LGR5: variants seen among roughly 807,000 people sequenced by gnomAD.
LGR5 encodes leucine rich repeat containing G protein-coupled receptor 5, also known as leucine-rich repeat-containing G protein-coupled receptor 5.
A neutral mutation model predicts 76.7 loss-of-function variants in LGR5; 54 were observed. The observed-to-expected ratio is 0.70, with a 90% CI of 0.57 to 0.88. The LOEUF (loss-of-function observed/expected upper bound fraction) is 0.88. Ranked by LOEUF, LGR5 falls within the 40% of genes least tolerant of loss-of-function variation. The pLI is 0.00. For missense variants in LGR5, 1,078 were observed against 1,073.3 expected (o/e 1.00, Z -0.06); for synonymous variants, 406 against 421.9 (o/e 0.96, Z 0.46).
chr12:71,466,112 G>T (rs993825712), intron 1 of LGR5, among the ~76,000 whole-genome samples: 1 of 152,216 alleles, frequency 6.6e-6, no homozygotes, highest in African/African-American at 2.4e-5. Flanking sequence ...GACATAGAAA[G>T]TCATGAATTA....
chr12:71,475,228 C>CA (rs539026258), intron 1 of LGR5, among the ~76,000 whole-genome samples: 17 of 151,318 alleles, frequency 1.1e-4, no homozygotes, highest in Admixed American at 2.0e-4. Context: ...ACAAAAATGA[C>CA]AAAAAAAAGT....
At chr12:71,454,964 A>G (rs1284781035) in intron 1 of LGR5, among the ~76,000 whole-genome samples, 4 of 152,090 alleles carry the variant, frequency 2.6e-5, no homozygotes, top group Admixed American at 1.3e-4. Flanking sequence ...GGTGCAGGGG[A>G]AAAAAAGCAA....
intron 2 of LGR5, 151 bp from the exon 3 acceptor site, chr12:71,524,254 TA>T (rs1008768398): frequency 1.1e-4 from 57 of 534,002 alleles, no homozygotes; most frequent in African/African-American, 6.4e-4. Flanking sequence ...AATTTATAGA[TA>T]TTTTTTGCAA....
At chr12:71,486,857 A>T (rs1455048417) in intron 1 of LGR5, among the ~76,000 whole-genome samples, 1 of 152,080 alleles carries the variant, frequency 6.6e-6, no homozygotes, top group East Asian at 1.9e-4. Flanking sequence ...CTTACAATAG[A>T]ATGGAATTTG....
chr12:71,513,812 G>A (rs1312568624), intron 2 of LGR5, among the ~76,000 whole-genome samples: 1 of 152,160 alleles, frequency 6.6e-6, no homozygotes, highest in Non-Finnish European at 1.5e-5. Context: ...TTCTAGTCTG[G>A]TTTTGTGACT....
chr12:71,531,940 C>T (rs928917337), intron 3 of LGR5, among the ~76,000 whole-genome samples: 1 of 152,130 alleles, frequency 6.6e-6, no homozygotes, highest in Non-Finnish European at 1.5e-5. Flanking sequence ...TATAAAGCAG[C>T]AGAGAAAGTT....
At chr12:71,475,178 T>C (rs1873272523) in intron 1 of LGR5, among the ~76,000 whole-genome samples, 1 of 152,180 alleles carries the variant, frequency 6.6e-6, no homozygotes, top group Non-Finnish European at 1.5e-5. Context: ...AATTTAAGCC[T>C]GTTAGTGCAT....
intron 12 of LGR5, among the ~76,000 whole-genome samples, chr12:71,571,780 A>G (rs930336736): frequency 1.3e-5 from 2 of 152,352 alleles, no homozygotes; most frequent in African/African-American, 4.8e-5. Context: ...GCACTGTACC[A>G]TATTAGTAAA....
At chr12:71,544,595 A>G (rs1877059304) in intron 4 of LGR5, among the ~76,000 whole-genome samples, 2 of 150,592 alleles carry the variant, frequency 1.3e-5, no homozygotes, top group Admixed American at 6.6e-5. Flanking sequence ...CAAAGAATTA[A>G]TATAAATCAA....
At chr12:71,449,760 AAACTT>A (rs1872173121) in intron 1 of LGR5, among the ~76,000 whole-genome samples, 1 of 152,244 alleles carries the variant, frequency 6.6e-6, no homozygotes, top group Non-Finnish European at 1.5e-5. Context: ...TAATTATAAT[AAACTT>A]AATTTAGAGC....
chr12:71,554,074 T>G (rs1877638055), intron 5 of LGR5, among the ~76,000 whole-genome samples: 1 of 152,082 alleles, frequency 6.6e-6, no homozygotes, highest in Non-Finnish European at 1.5e-5. Flanking sequence ...AGAGTGAGAC[T>G]CTGTCTCAAA....
At chr12:71,455,317 G>T (rs943776517) in intron 1 of LGR5, among the ~76,000 whole-genome samples, 5 of 152,094 alleles carry the variant, frequency 3.3e-5, no homozygotes, top group Admixed American at 3.3e-4. Context: ...GTAAATACAT[G>T]TTCTGAAGTC....
At chr12:71,533,311 C>T (rs1876421270) in intron 3 of LGR5, among the ~76,000 whole-genome samples, 1 of 152,136 alleles carries the variant, frequency 6.6e-6, no homozygotes, top group Admixed American at 6.6e-5. Context: ...CGCCACTGCA[C>T]TCCAGCCTGG....
intron 1 of LGR5, chr12:71,448,362 TG>T (rs1318679865): frequency 1.3e-5 from 2 of 152,190 alleles, no homozygotes; most frequent in Non-Finnish European, 2.9e-5. Flanking sequence ...TGATCTCAAG[TG>T]GAAAAAATAT....
At chr12:71,449,276 G>T (rs1872153523) in intron 1 of LGR5, among the ~76,000 whole-genome samples, 1 of 152,150 alleles carries the variant, frequency 6.6e-6, no homozygotes, top group African/African-American at 2.4e-5. Flanking sequence ...CAAAATTGGG[G>T]TCTCTGATTT....
intron 1 of LGR5, among the ~76,000 whole-genome samples, chr12:71,462,535 C>G (rs184252789): frequency 8.5e-5 from 13 of 152,244 alleles, no homozygotes; most frequent in Non-Finnish European, 1.2e-4. Context: ...TCACCAGTTT[C>G]TCCCATGGGC....
At chr12:71,517,915 A>G (rs1592507178) in intron 2 of LGR5, among the ~76,000 whole-genome samples, 1 of 152,196 alleles carries the variant, frequency 6.6e-6, no homozygotes, top group South Asian at 2.1e-4. Flanking sequence ...CCTACATTCC[A>G]CCTCGACCCT....
chr12:71,515,398 A>G (rs1246516922), intron 2 of LGR5, among the ~76,000 whole-genome samples: 4 of 152,248 alleles, frequency 2.6e-5, no homozygotes, highest in African/African-American at 9.6e-5. Context: ...TATTTTTCCA[A>G]ATGAGAATAT....
intron 11 of LGR5, chr12:71,567,366 C>T (rs1442607362): frequency 1.2e-5 from 2 of 164,996 alleles, no homozygotes; most frequent in African/African-American, 4.8e-5. Context: ...TCTAATGTTT[C>T]CTGTAATGGT....
Sources: allele counts gnomAD v4.1 joint callset (sites outside exome capture counted in the v4.1 genomes callset), GRCh38; gene constraint gnomAD v4.1.1; transcripts MANE v1.5; gene names NCBI Gene and HGNC (gene_info 2026-07-23, HGNC 2026-07-21).